The following ST7 variants were observed in gnomAD, a reference collection of about 807,000 sequenced individuals.
ST7 encodes the protein suppression of tumorigenicity 7, also known as suppressor of tumorigenicity 7 protein.
Under a neutral mutation model 78.7 loss-of-function variants are expected in ST7, and 28 were observed. The ratio of observed to expected loss-of-function variants is 0.36; its 90% confidence interval spans 0.26 to 0.49. The LOEUF (loss-of-function observed/expected upper bound fraction) is 0.49. Among genes scored for constraint, ST7 ranks in the 20% least tolerant of loss-of-function variants. The probability of loss-of-function intolerance (pLI) is 0.99; values close to 1 mark genes in which losing one functional copy is unlikely to be tolerated. For synonymous variants in ST7, 247 were observed against 249.6 expected (o/e 0.99, Z 0.10); for missense variants, 418 against 696.0 (o/e 0.60, Z 4.49).
intron 1 of ST7, chr7:116,972,199 A>G: frequency 5.4e-6 from 3 of 550,686 alleles, no homozygotes; most frequent in East Asian, 7.8e-5. Flanking sequence ...AGTCTGGACC[A>G]GCATCTTTTG....
intron 12 of ST7, among the ~76,000 whole-genome samples, chr7:117,201,748 T>C (rs186966464): frequency 5.9e-5 from 9 of 151,976 alleles, no homozygotes; most frequent in African/African-American, 2.2e-4. Flanking sequence ...TTGCCTGCCT[T>C]GGCCTCCCAA....
chr7:117,017,091 G>T (rs893399112), intron 1 of ST7, among the ~76,000 whole-genome samples: 5 of 152,172 alleles, frequency 3.3e-5, no homozygotes, highest in Admixed American at 2.0e-4. Flanking sequence ...GGCTAACCAT[G>T]TGGTTTTTTC....
chr7:117,141,653 CTTTCTTTTTCTTTTCTTTT>C (rs1343704892), intron 9 of ST7, among the ~76,000 whole-genome samples: 1 of 151,636 alleles, frequency 6.6e-6, no homozygotes, highest in Non-Finnish European at 1.5e-5. Context: ...CTTTTTCTTT[CTTTCTTTTTCTTTTCTTTT>C]TTTCTTTTTC....
chr7:117,108,084 T>G (rs532121231), intron 2 of ST7, among the ~76,000 whole-genome samples: 8 of 152,302 alleles, frequency 5.3e-5, no homozygotes, highest in African/African-American at 1.9e-4. Context: ...GCAGAAGCTT[T>G]TTAGTTTAAT....
At chr7:117,195,025 A>G (rs1472685451) in intron 12 of ST7, among the ~76,000 whole-genome samples, 1 of 152,210 alleles carries the variant, frequency 6.6e-6, no homozygotes, top group Non-Finnish European at 1.5e-5. Context: ...GGTGGACTAA[A>G]TTATTTGTTT....
chr7:117,147,078 A>G (rs1012313466), intron 9 of ST7, among the ~76,000 whole-genome samples: 3 of 152,104 alleles, frequency 2.0e-5, no homozygotes, highest in African/African-American at 4.8e-5. Context: ...TTATATGTCT[A>G]TAGATCTCTG....
chr7:116,995,279 C>T (rs1794601241), intron 1 of ST7, among the ~76,000 whole-genome samples: 2 of 152,122 alleles, frequency 1.3e-5, no homozygotes, highest in Admixed American at 1.3e-4. Flanking sequence ...ATGCCTTTGC[C>T]CTTTGACAAA....
chr7:117,206,922 C>T (rs1791814716), intron 12 of ST7, among the ~76,000 whole-genome samples: 1 of 152,122 alleles, frequency 6.6e-6, no homozygotes, highest in African/African-American at 2.4e-5. Flanking sequence ...TAGTTATTAG[C>T]CACATGCAGC....
chr7:117,053,839 A>T (rs1307961595), intron 1 of ST7, among the ~76,000 whole-genome samples: 2 of 115,292 alleles, frequency 1.7e-5, no homozygotes, highest in African/African-American at 3.4e-5. Context: ...AACAGAACAG[A>T]GGACTAGACG....
chr7:117,151,854 T>G (rs191558239), intron 9 of ST7, among the ~76,000 whole-genome samples: 150 of 152,152 alleles, frequency 9.9e-4, no homozygotes, highest in Non-Finnish European at 1.7e-3. Flanking sequence ...GCATGGTGGC[T>G]CACGCCTATA....
intron 1 of ST7, among the ~76,000 whole-genome samples, chr7:116,976,865 C>T (rs558036708): frequency 6.6e-6 from 1 of 152,326 alleles, no homozygotes; most frequent in African/African-American, 2.4e-5. Context: ...CCAACTTCAA[C>T]ATTCTTGCTA....
chr7:117,133,190 G>A (rs1192928533), intron 6 of ST7, among the ~76,000 whole-genome samples: 1 of 151,768 alleles, frequency 6.6e-6, no homozygotes, highest in Non-Finnish European at 1.5e-5. Flanking sequence ...GTGTTCTGTA[G>A]TTTGGGAAGT....
At chr7:116,999,384 C>T (rs948096696) in intron 1 of ST7, among the ~76,000 whole-genome samples, 2 of 152,158 alleles carry the variant, frequency 1.3e-5, no homozygotes, top group African/African-American at 4.8e-5. Context: ...GGAGTTCAGC[C>T]TTCAGGGCCC....
At chr7:117,223,856 C>T (rs899026800) in intron 15 of ST7, 7 of 695,556 alleles carry the variant, frequency 1.0e-5, no homozygotes, top group African/African-American at 1.9e-5. Flanking sequence ...CAAGGCTTTG[C>T]ACAGTGCCTT....
At chr7:117,188,075 T>C (rs544678706) in intron 10 of ST7, among the ~76,000 whole-genome samples, 28 of 152,332 alleles carry the variant, frequency 1.8e-4, no homozygotes, top group African/African-American at 6.5e-4. Context: ...AATTCTGTGC[T>C]GATATTTTCT....
intron 8 of ST7, 90 bp downstream of exon 8, chr7:117,136,325 T>C: frequency 6.7e-7 from 1 of 1,489,074 alleles, no homozygotes; most frequent in Non-Finnish European, 9.3e-7. Context: ...CAAAATATGA[T>C]TCTCCTAGAC....
intron 15 of ST7, chr7:117,222,729 G>T: frequency 1.4e-6 from 1 of 736,350 alleles, no homozygotes; most frequent in Admixed American, 2.0e-5. Context: ...TCTTGCCACA[G>T]ATGAGTTTCA....
At position 117,119,673 on chromosome 7, in the gene ST7, C is replaced by A; in HGVS notation, c.347C>A (p.Ser116Tyr). 1 of 1,613,774 alleles carries A rather than the reference C, an allele frequency of 6.2e-7. No homozygotes were observed. Among genetic ancestry groups the A allele is most frequent in the East Asian group, 2.2e-5 (1 of 44,864 alleles). The stretch of plus-strand genomic sequence containing the variant: ...GTTGACAACAACTCTTCCAACAATT[C>A]TAATTCCAGTAACGGGGACTCAGAT... ...GGVDNNSSNN[S>Y]NSSNGDSDSN... The change falls in exon 3 of 16, where the codon TCT becomes TAT. Residue 116 changes from serine (S) to tyrosine (Y), a missense_variant. Physicochemically the swap from Ser to Tyr is moderately radical, Grantham distance 144. Around this residue, in one of 4 missense-constraint regions of ST7, gnomAD observed 36 missense variants for 29.7 expected, o/e 1.21. Coordinates refer to ENST00000323984, the MANE Select transcript of ST7 (RefSeq NM_001369598.1).
intron 9 of ST7, among the ~76,000 whole-genome samples, chr7:117,165,158 C>T (rs772292644): frequency 1.6e-4 from 25 of 152,098 alleles, no homozygotes; most frequent in Admixed American, 2.0e-4. Flanking sequence ...CAGGAGAGGC[C>T]GGAGGAATCT....
Sources: allele counts gnomAD v4.1 joint callset (sites outside exome capture counted in the v4.1 genomes callset), GRCh38; gene constraint gnomAD v4.1.1; regional missense constraint gnomAD v4.1.1; transcripts MANE v1.5; gene names NCBI Gene and HGNC (gene_info 2026-07-23, HGNC 2026-07-21).